TAFA4: variants seen among roughly 807,000 people sequenced by gnomAD.
TAFA4 encodes TAFA chemokine like family member 4.
TAFA4 carries 20 observed loss-of-function variants against 21.1 expected under a neutral mutation model. The ratio of observed to expected loss-of-function variants is 0.95; its 90% CI spans 0.67 to 1.38. The LOEUF is 1.38. Ranked by LOEUF, TAFA4 falls within the 40% of genes most tolerant of loss-of-function variation. The pLI, the probability that TAFA4 is intolerant of heterozygous loss-of-function variation, is 0.00. For synonymous variants in TAFA4, 71 were observed against 67.4 expected, an observed-to-expected ratio of 1.05 and a Z score of -0.26; for missense variants, 211 against 180.9, an observed-to-expected ratio of 1.17 and a Z score of -0.95.
At chr3:68,765,019 A>G (rs972430925) in intron 3 of TAFA4, among the ~76,000 whole-genome samples, 2 of 152,168 alleles carry the variant, frequency 1.3e-5, no homozygotes, top group Non-Finnish European at 2.9e-5. Flanking sequence ...AGCCAGAAGG[A>G]GCAGTGAAAT....
At chr3:68,908,938 C>T (rs753915004) in intron 1 of TAFA4, among the ~76,000 whole-genome samples, 9 of 152,192 alleles carry the variant, frequency 5.9e-5, no homozygotes, top group Admixed American at 1.3e-4. Flanking sequence ...CATCTGACAG[C>T]GCTTCCCACC....
In TAFA4 at chr3:68,805,485, G is replaced by C. The variant is rs192237376; in HGVS notation, c.131-52467C>G. Among the ~76,000 whole-genome samples the C allele has an allele frequency of 6.4e-3, 967 of 152,244 alleles. 13 individuals are homozygous for C. The highest frequency in any genetic ancestry group is 0.017 in the Middle Eastern group (5 of 294). ...ACCCAAAGGACTATAAAATCATGCT[G>C]CTATAAAGACACATGCACACGTATG... On this transcript the variant is annotated intron_variant, in intron 3 of 5. Transcript: ENST00000295569.
chr3:68,910,933 C>G (rs1344022461), intron 1 of TAFA4, among the ~76,000 whole-genome samples: 1 of 152,164 alleles, frequency 6.6e-6, no homozygotes, highest in Non-Finnish European at 1.5e-5. Context: ...TAAATATCAA[C>G]TCTTACCTCC....
chr3:68,865,063 TA>T (rs1274919101), intron 3 of TAFA4, among the ~76,000 whole-genome samples: 4 of 152,114 alleles, frequency 2.6e-5, no homozygotes, highest in Non-Finnish European at 5.9e-5. Flanking sequence ...GTAAATAGGT[TA>T]AAATTTAACA....
chr3:68,900,095 A>C (rs1173482694), intron 1 of TAFA4, among the ~76,000 whole-genome samples: 14 of 150,540 alleles, frequency 9.3e-5, no homozygotes, highest in Admixed American at 9.3e-4. Flanking sequence ...AAAAAAAAAA[A>C]AACACAAAAA....
chr3:68,810,359 C>T (rs1010123109), intron 3 of TAFA4, among the ~76,000 whole-genome samples: 20 of 152,082 alleles, frequency 1.3e-4, no homozygotes, highest in African/African-American at 2.4e-5. Flanking sequence ...AAGCATGAGC[C>T]GAAGCAGGGC....
chr3:68,898,379 C>T (rs956229739), intron 1 of TAFA4, among the ~76,000 whole-genome samples: 1 of 152,068 alleles, frequency 6.6e-6, no homozygotes, highest in Non-Finnish European at 1.5e-5. Context: ...TGGGCCAGGC[C>T]CTGTGGCTCA....
chr3:68,882,447 G>T (rs894756716), intron 2 of TAFA4, among the ~76,000 whole-genome samples: 2 of 152,164 alleles, frequency 1.3e-5, no homozygotes, highest in African/African-American at 2.4e-5. Context: ...TTCCACATGG[G>T]AGTAACAGGC....
At chr3:68,842,328 G>T (rs1053955559) in intron 3 of TAFA4, among the ~76,000 whole-genome samples, 4 of 152,100 alleles carry the variant, frequency 2.6e-5, no homozygotes, top group Non-Finnish European at 5.9e-5. Flanking sequence ...TATGTTTGCT[G>T]GCCACATCAA....
chr3:68,747,233 C>T (rs957574043), intron 4 of TAFA4, among the ~76,000 whole-genome samples: 1 of 147,870 alleles, frequency 6.8e-6, no homozygotes, highest in Non-Finnish European at 1.5e-5. Flanking sequence ...TTTGCACACC[C>T]ACTTGTGAGT....
In TAFA4 at chr3:68,918,213, GAACACATTCACTGTATGGTAAGA is replaced by G. The variant is rs370124742; in HGVS notation, c.-123+14004_-123+14026del. Among the ~76,000 whole-genome samples, 934 of 152,020 alleles carry G rather than the reference GAACACATTCACTGTATGGTAAGA, an allele frequency of 6.1e-3. 12 individuals are homozygous for G. Among genetic ancestry groups the G allele is most frequent in the African/African-American group, 0.021 (886 of 41,450 alleles). On this transcript the variant is annotated intron_variant, in intron 1 of 5. Coordinates refer to ENST00000295569, the MANE Select transcript of TAFA4 (RefSeq NM_182522.5). The stretch of plus-strand genomic sequence containing the variant: ...GGTACAGAGCCACCGAACAAGGAAG[GAACACATTCACTGTATGGTAAGA>G]AATGAGAGATGGTCAGTGTGGTTAC...
At position 68,758,904 on chromosome 3, in the gene TAFA4, A is replaced by C. The variant is rs142051023; in HGVS notation, c.131-5886T>G. 5.4e-3 allele frequency among the ~76,000 whole-genome samples: 816 copies of C among 152,350 alleles called. 3 individuals carry two copies. The highest frequency in any genetic ancestry group is 0.02 in the Middle Eastern group (6 of 294). On this transcript the variant is annotated intron_variant, in intron 3 of 5. Transcript: ENST00000295569. ...TGTATACATGGAGAAAAAGAGAAGT[A>C]TTTTAAGGAATTGTCCCATGCAATT...
intron 2 of TAFA4, among the ~76,000 whole-genome samples, chr3:68,883,690 T>C (rs1386936334): frequency 6.6e-6 from 1 of 152,346 alleles, no homozygotes; most frequent in African/African-American, 2.4e-5. Context: ...GTCAAACGTT[T>C]ACAATCCAGC....
intron 3 of TAFA4, among the ~76,000 whole-genome samples, chr3:68,776,913 A>C (rs1703058782): frequency 6.6e-6 from 1 of 152,150 alleles, no homozygotes; most frequent in Admixed American, 6.5e-5. Context: ...CAAAGAAGAA[A>C]TAGCAAAACA....
intron 5 of TAFA4, among the ~76,000 whole-genome samples, chr3:68,737,511 G>A (rs1025115445): frequency 6.6e-6 from 1 of 152,048 alleles, no homozygotes; most frequent in Admixed American, 6.6e-5. Flanking sequence ...CGCAATTCAC[G>A]TTGAAAATGG....
intron 3 of TAFA4, among the ~76,000 whole-genome samples, chr3:68,848,355 CT>C (rs1704859349): frequency 6.6e-6 from 1 of 152,208 alleles, no homozygotes; most frequent in African/African-American, 2.4e-5. Flanking sequence ...GTCTTCTCTG[CT>C]CTCAGATAGC....
At chr3:68,808,553 G>A in intron 3 of TAFA4, among the ~76,000 whole-genome samples, 1 of 152,108 alleles carries the variant, frequency 6.6e-6, no homozygotes, top group Non-Finnish European at 1.5e-5. Context: ...GTTATGAGCA[G>A]TCCCAAATTC....
chr3:68,865,143 C>A (rs946557017), intron 3 of TAFA4, among the ~76,000 whole-genome samples: 1 of 152,128 alleles, frequency 6.6e-6, no homozygotes, highest in African/African-American at 2.4e-5. Flanking sequence ...TGTTAAAAAA[C>A]AAAAATAAAA....
chr3:68,803,595 T>G (rs80011061), intron 3 of TAFA4, among the ~76,000 whole-genome samples: 3,434 of 152,014 alleles, frequency 0.023, 132 homozygotes, highest in African/African-American at 0.079. Flanking sequence ...CAAGGGTTGA[T>G]TCTCGTTCTC....
Sources: gnomAD v4.1 joint callset for allele counts (sites outside exome capture counted in the v4.1 genomes callset) on GRCh38, gnomAD v4.1.1 for gene constraint, MANE v1.5 for transcripts, NCBI Gene and HGNC (gene_info 2026-07-23, HGNC 2026-07-21) for gene names.